The following NRG3 variants were observed in gnomAD, a reference collection of about 807,000 sequenced individuals.
The protein encoded by NRG3 is pro-neuregulin-3, membrane-bound isoform.
Under a neutral mutation model 66.9 loss-of-function variants are expected in NRG3, and 31 were observed. The ratio of observed to expected loss-of-function variants is 0.46; its 90% CI spans 0.35 to 0.63. The LOEUF (loss-of-function observed/expected upper bound fraction) is 0.63, where lower values mean the gene tolerates loss of function less well. Ranked by LOEUF, NRG3 falls within the 20% of genes least tolerant of loss-of-function variation. NRG3 has a pLI of 0.00. For synonymous variants in NRG3, 393 were observed against 359.4 expected, an observed-to-expected ratio of 1.09 and a Z score of -1.06; for missense variants, 910 against 878.9, an observed-to-expected ratio of 1.04 and a Z score of -0.45.
intron 4 of NRG3, among the ~76,000 whole-genome samples, chr10:82,872,314 C>A (rs563749): frequency 0.59 from 89,127 of 151,848 alleles, 26,858 homozygotes; most frequent in African/African-American, 0.72. Flanking sequence ...TACATTTTTT[C>A]TCTTACTTTT....
chr10:82,671,565 G>C (rs1219046754), intron 2 of NRG3, among the ~76,000 whole-genome samples: 1 of 152,188 alleles, frequency 6.6e-6, no homozygotes, highest in Admixed American at 6.5e-5. Flanking sequence ...TTGGACTTCA[G>C]GTTGGACAGC....
intron 2 of NRG3, among the ~76,000 whole-genome samples, chr10:82,534,295 T>C (rs981537570): frequency 2.0e-5 from 3 of 151,682 alleles, no homozygotes. Flanking sequence ...AGAGTATCGC[T>C]GTATTGCCCA....
chr10:81,922,792 A>AG (rs34321561), intron 1 of NRG3, among the ~76,000 whole-genome samples: 21,279 of 152,048 alleles, frequency 0.14, 2,692 homozygotes, highest in African/African-American at 0.33. Flanking sequence ...GATTGTTCTT[A>AG]AAAATATTTT....
chr10:82,261,802 C>G (rs535062026), intron 1 of NRG3, among the ~76,000 whole-genome samples: 1 of 152,136 alleles, frequency 6.6e-6, no homozygotes, highest in Non-Finnish European at 1.5e-5. Flanking sequence ...AGCAGTTTTC[C>G]GCCCTGGGTG....
intron 1 of NRG3, among the ~76,000 whole-genome samples, chr10:81,970,564 T>C (rs965874875): frequency 1.3e-5 from 2 of 152,288 alleles, no homozygotes; most frequent in African/African-American, 4.8e-5. Context: ...GGTTAGCATT[T>C]TTTATTTGCA....
intron 1 of NRG3, among the ~76,000 whole-genome samples, chr10:82,292,161 A>G (rs2079785180): frequency 6.6e-6 from 1 of 152,196 alleles, no homozygotes; most frequent in South Asian, 2.1e-4. Flanking sequence ...GACCAAACAC[A>G]TTGAGAGACA....
chr10:82,333,364 G>A (rs1161025234), intron 1 of NRG3, among the ~76,000 whole-genome samples: 4 of 152,234 alleles, frequency 2.6e-5, no homozygotes, highest in African/African-American at 2.4e-5. Context: ...GTTAATGCCA[G>A]GTGGAAGACT....
chr10:82,826,104 TTTAAA>T (rs1412386574), intron 3 of NRG3, among the ~76,000 whole-genome samples: 1 of 152,168 alleles, frequency 6.6e-6, no homozygotes, highest in Non-Finnish European at 1.5e-5. Flanking sequence ...CATTTATATG[TTTAAA>T]TTAAATTTTG....
At chr10:82,553,012 T>G (rs1743477319) in intron 2 of NRG3, among the ~76,000 whole-genome samples, 1 of 150,884 alleles carries the variant, frequency 6.6e-6, no homozygotes, top group South Asian at 2.1e-4. Flanking sequence ...TGTTTCCAAG[T>G]AGAGAAAAGT....
intron 1 of NRG3, among the ~76,000 whole-genome samples, chr10:81,937,562 G>A (rs1422434937): frequency 6.6e-6 from 1 of 151,910 alleles, no homozygotes; most frequent in Non-Finnish European, 1.5e-5. Context: ...TCTTTGGAAA[G>A]GTATTTATTC....
At chr10:82,824,577 G>T (rs965785661) in intron 3 of NRG3, among the ~76,000 whole-genome samples, 1 of 152,058 alleles carries the variant, frequency 6.6e-6, no homozygotes, top group African/African-American at 2.4e-5. Flanking sequence ...TGTGTGTGCC[G>T]TGGTATTCCA....
intron 1 of NRG3, among the ~76,000 whole-genome samples, chr10:81,884,116 TTGGATAATCAAGAAGAC>T (rs1842411196): frequency 2.6e-5 from 4 of 152,192 alleles, no homozygotes; most frequent in African/African-American, 7.2e-5. Context: ...CAGAAATTGT[TTGGATAATCAAGAAGAC>T]TGGAGGAGTG....
chr10:82,249,110 C>A (rs977979178), intron 1 of NRG3, among the ~76,000 whole-genome samples: 1 of 152,192 alleles, frequency 6.6e-6, no homozygotes, highest in East Asian at 1.9e-4. Context: ...AAGTAAAGGT[C>A]TTTATTTTAG....
chr10:82,061,301 A>C (rs1176763895), intron 1 of NRG3, among the ~76,000 whole-genome samples: 3 of 152,176 alleles, frequency 2.0e-5, no homozygotes, highest in Admixed American at 6.5e-5. Context: ...CGGTGAGCCA[A>C]GACTGCGCCA....
intron 1 of NRG3, among the ~76,000 whole-genome samples, chr10:82,160,262 G>A (rs2071485132): frequency 6.6e-6 from 1 of 151,918 alleles, no homozygotes. Flanking sequence ...CTGTCCCCTA[G>A]CAACACTCTT....
chr10:82,211,487 T>A (rs2075390705), intron 1 of NRG3, among the ~76,000 whole-genome samples: 1 of 151,806 alleles, frequency 6.6e-6, no homozygotes, highest in African/African-American at 2.4e-5. Flanking sequence ...CTCTGGGGAG[T>A]CGAAAGGCAT....
intron 2 of NRG3, among the ~76,000 whole-genome samples, chr10:82,429,047 C>A (rs2089629465): frequency 6.6e-6 from 1 of 151,710 alleles, no homozygotes; most frequent in Admixed American, 6.6e-5. Context: ...AGTTTTTGTC[C>A]AGGGGATTGC....
In NRG3 at chr10:82,698,401, GA is replaced by G. The variant is rs550209673; in HGVS notation, c.954-40171del. On this transcript the variant is annotated intron_variant, in intron 2 of 8. Transcript: ENST00000372141. Reference sequence around the variant, plus strand: ...ACCCCACCTTGGAATCTTAACAGGGGAAAAAGTCTACTCATTAACATATGCT... The same window carrying G: ...ACCCCACCTTGGAATCTTAACAGGGGAAAAGTCTACTCATTAACATATGCT... 1.2e-3 allele frequency among the ~76,000 whole-genome samples: 190 copies of G among 152,108 alleles called. 3 individuals carry two copies. The highest frequency in any genetic ancestry group is 0.011 in the Admixed American group (166 of 15,250).
intron 2 of NRG3, among the ~76,000 whole-genome samples, chr10:82,655,411 G>T (rs574434605): frequency 5.9e-5 from 9 of 152,230 alleles, no homozygotes; most frequent in African/African-American, 1.7e-4. Context: ...ACATGAAACA[G>T]ATTATGCAAA....
Sources: gnomAD v4.1 joint callset for allele counts (sites outside exome capture counted in the v4.1 genomes callset) on GRCh38, gnomAD v4.1.1 for gene constraint, MANE v1.5 for transcripts, NCBI Gene and HGNC (gene_info 2026-07-23, HGNC 2026-07-21) for gene names.